The following PVALB variants were observed in gnomAD, a reference collection of about 807,000 sequenced individuals.
The protein encoded by PVALB is parvalbumin alpha.
PVALB carries 11 observed loss-of-function variants against 10.9 expected under a neutral mutation model. The ratio of observed to expected loss-of-function variants is 1.01; its 90% CI spans 0.63 to 1.67. PVALB has a LOEUF of 1.67. Among genes scored for constraint, PVALB ranks in the 40% most tolerant of loss-of-function variants. The pLI is 0.00. For missense variants in PVALB, 131 were observed against 136.2 expected, an observed-to-expected ratio of 0.96 and a Z score of 0.19; for synonymous variants, 57 against 50.7, an observed-to-expected ratio of 1.12 and a Z score of -0.53.
At chr22:36,818,005 G>A (rs1030574550), upstream of PVALB, among the ~76,000 whole-genome samples, 2 of 152,254 alleles carry the variant, frequency 1.3e-5, no homozygotes, top group South Asian at 2.1e-4. Context: ...AAATGTCACG[G>A]TGCCTATCTG....
At chr22:36,803,618 T>C (rs1295545956) in intron 3 of PVALB, among the ~76,000 whole-genome samples, 2 of 143,152 alleles carry the variant, frequency 1.4e-5, no homozygotes, top group African/African-American at 2.6e-5. Flanking sequence ...GAGGAATGGA[T>C]GGATAGAGGG....
chr22:36,815,933 AG>A (rs1377611850), intron 1 of PVALB, among the ~76,000 whole-genome samples: 1 of 151,688 alleles, frequency 6.6e-6, no homozygotes, highest in African/African-American at 2.4e-5. Flanking sequence ...TGCCCAGGGG[AG>A]GGGGTGCAAA....
intron 3 of PVALB, among the ~76,000 whole-genome samples, chr22:36,807,094 G>A (rs1023169989): frequency 6.6e-6 from 1 of 152,216 alleles, no homozygotes; most frequent in Non-Finnish European, 1.5e-5. Flanking sequence ...CAGAGCTAGG[G>A]AAAGTCCACA....
intron 3 of PVALB, among the ~76,000 whole-genome samples, chr22:36,810,581 G>A (rs1334622926): frequency 3.3e-5 from 5 of 152,198 alleles, no homozygotes; most frequent in Non-Finnish European, 5.9e-5. Context: ...ATGCTGTTGG[G>A]TTTGAATCCT....
At chr22:36,809,169 A>G (rs1246197636) in intron 3 of PVALB, among the ~76,000 whole-genome samples, 1 of 152,108 alleles carries the variant, frequency 6.6e-6, no homozygotes, top group Non-Finnish European at 1.5e-5. Flanking sequence ...CAGATCCCCA[A>G]CCTTGGCTTG....
chr22:36,819,453 G>C (rs1360465354), upstream of PVALB: 1 of 152,354 alleles, frequency 6.6e-6, no homozygotes, highest in Non-Finnish European at 1.5e-5. Context: ...TGGAGGGCTG[G>C]AGCCTGCACT....
At chr22:36,815,605 G>C (rs1368500597) in intron 1 of PVALB, among the ~76,000 whole-genome samples, 1 of 152,188 alleles carries the variant, frequency 6.6e-6, no homozygotes, top group African/African-American at 2.4e-5. Context: ...TTGGGAGTGG[G>C]CTGGGGAATT....
In PVALB at chr22:36,813,682, C is replaced by G; in HGVS notation, c.268G>C (p.Gly90Arg). The change falls in exon 3 of 4, where the codon GGA becomes CGA. Residue 90 changes from glycine (G) to arginine (R), a missense_variant. Transcript: ENST00000417718. ...ATTTTGCCGTCCCCATCTTTGTCTCCAGCAGCCATCAGCATCTTGGTTTCT... is the reference window on the plus strand; with the variant it reads ...ATTTTGCCGTCCCCATCTTTGTCTCGAGCAGCCATCAGCATCTTGGTTTCT... ...AKETKMLMAA[G>R]DKDGDGKIGV... 7 of 1,614,126 alleles carry G rather than the reference C, an allele frequency of 4.3e-6. No homozygotes were observed. The highest frequency in any genetic ancestry group is 5.9e-6 in the Non-Finnish European group (7 of 1,180,016).
intron 3 of PVALB, among the ~76,000 whole-genome samples, chr22:36,803,724 G>A (rs1938908489): frequency 6.6e-6 from 1 of 150,626 alleles, no homozygotes; most frequent in African/African-American, 2.5e-5. Flanking sequence ...TGGGTGGTTG[G>A]GTGGGTGGAT....
intron 3 of PVALB, among the ~76,000 whole-genome samples, chr22:36,811,023 C>T (rs1939037515): frequency 6.6e-6 from 1 of 152,152 alleles, no homozygotes; most frequent in Non-Finnish European, 1.5e-5. Context: ...TGCCTGTAAC[C>T]CCAGCACTTT....
Position 36,815,210 on chromosome 22 carries a change from CT to C in PVALB, c.86del (p.Lys29SerfsTer8), listed in dbSNP as rs1399817115. On this transcript the variant is annotated frameshift_variant, in exon 2 of 4. Coordinates refer to ENST00000417718, the MANE Select transcript of PVALB (RefSeq NM_001315532.2). LOFTEE classifies it high-confidence loss of function. Reference protein sequence around the residue: ...FSATDSFDHKKFFQMVGLKKK... With the variant: ...FSATDSFDHKXFFQMVGLKKK... ...TCTTCAGGCCGACCATTTGGAAGAA[CT>C]TTTTGTGGTCGAAGGAGTCGGTAGC... 1 of 1,614,188 alleles carries C rather than the reference CT, an allele frequency of 6.2e-7. No homozygotes were observed. Among genetic ancestry groups the C allele is most frequent in the Non-Finnish European group, 8.5e-7 (1 of 1,180,018 alleles).
Position 36,815,165 on chromosome 22 carries a change from C to G in PVALB, c.132G>C (p.Val44=). Residue 44 remains valine (V), a synonymous_variant, in exon 2 of 4, where the codon GTG becomes GTC. Transcript: ENST00000417718. The part of the protein sequence containing the change: ...VGLKKKSADD[V]KKVFHMLDKD... ...TGTCCAGCATGTGAAACACCTTCTT[C>G]ACATCATCCGCACTCTTTTTCTTCA... The G allele has an allele frequency of 6.2e-7, 1 of 1,614,194 alleles. No individual in the cohort carries two copies. Among genetic ancestry groups the G allele is most frequent in the Non-Finnish European group, 8.5e-7 (1 of 1,180,036 alleles).
At chr22:36,816,849 G>GC in intron 1 of PVALB, 96 bp downstream of exon 1, 9 of 1,123,578 alleles carry the variant, frequency 8.0e-6, no homozygotes, top group Middle Eastern at 3.0e-4. Context: ...GCAGAAGCGC[G>GC]CTGGGGAGGA....
At chr22:36,806,073 GAGA>G (rs1193698832) in intron 3 of PVALB, among the ~76,000 whole-genome samples, 1 of 152,172 alleles carries the variant, frequency 6.6e-6, no homozygotes, top group East Asian at 1.9e-4. Context: ...TAAGATAATG[GAGA>G]AGGAGTGCCC....
At chr22:36,811,956 T>A (rs1939052602) in intron 3 of PVALB, among the ~76,000 whole-genome samples, 1 of 152,170 alleles carries the variant, frequency 6.6e-6, no homozygotes, top group African/African-American at 2.4e-5. Context: ...CCCCTGCATT[T>A]GACCTGGATA....
intron 3 of PVALB, among the ~76,000 whole-genome samples, chr22:36,807,832 G>A (rs1319136102): frequency 1.3e-5 from 2 of 152,164 alleles, no homozygotes; most frequent in South Asian, 4.1e-4. Context: ...CGGTAAATAG[G>A]CTACTTAAGG....
chr22:36,804,235 G>A (rs994208811), intron 3 of PVALB, among the ~76,000 whole-genome samples: 2 of 152,178 alleles, frequency 1.3e-5, no homozygotes, highest in African/African-American at 4.8e-5. Context: ...CACACTAGAC[G>A]GGATTTGGTG....
At chr22:36,810,694 A>G (rs1395334688) in intron 3 of PVALB, among the ~76,000 whole-genome samples, 1 of 152,216 alleles carries the variant, frequency 6.6e-6, no homozygotes, top group African/African-American at 2.4e-5. Context: ...AAATGAGGTA[A>G]CCAAACCCAG....
At chr22:36,811,527 G>A (rs1939046291) in intron 3 of PVALB, 1 of 461,078 alleles carries the variant, frequency 2.2e-6, no homozygotes, top group Non-Finnish European at 4.5e-6. Context: ...TGCTGGATCT[G>A]TTAGAAGAGT....
Sources: allele counts gnomAD v4.1 joint callset (sites outside exome capture counted in the v4.1 genomes callset), GRCh38; gene constraint gnomAD v4.1.1; transcripts MANE v1.5; gene names NCBI Gene and HGNC (gene_info 2026-07-23, HGNC 2026-07-21).